The following GRM1 variants were observed in gnomAD, a reference collection of about 807,000 sequenced individuals.
GRM1 encodes the protein glutamate metabotropic receptor 1, also known as metabotropic glutamate receptor 1.
Under a neutral mutation model 90.9 loss-of-function variants are expected in GRM1, and 33 were observed. That is an observed-to-expected ratio of 0.36 (90% CI 0.28 to 0.49). The LOEUF (loss-of-function observed/expected upper bound fraction) is 0.49, where lower values mean the gene tolerates loss of function less well. Ranked by LOEUF, GRM1 falls within the 20% of genes least tolerant of loss-of-function variation. The pLI is 0.99. For synonymous variants in GRM1, 700 were observed against 613.2 expected, an observed-to-expected ratio of 1.14 and a Z score of -2.09; for missense variants, 1,190 against 1,534.3, an observed-to-expected ratio of 0.78 and a Z score of 3.75.
In GRM1 at chr6:146,403,334, C is replaced by T. The variant is rs558489603; in HGVS notation, c.2660+3635C>T. On this transcript the variant is annotated intron_variant, in intron 7 of 7. Coordinates refer to ENST00000282753, the MANE Select transcript of GRM1 (RefSeq NM_001278064.2). ...CACTGAGTGCCAAACAATTTGATGGCACATGGAGCTAAAATGTGACAATAC... is the reference window on the plus strand; with the variant it reads ...CACTGAGTGCCAAACAATTTGATGGTACATGGAGCTAAAATGTGACAATAC... 2.6e-3 allele frequency among the ~76,000 whole-genome samples: 397 copies of T among 152,122 alleles called. 3 individuals are homozygous for T. The highest frequency in any genetic ancestry group is 9.2e-3 in the African/African-American group (383 of 41,516).
At chr6:146,246,182 A>G (rs1781054019) in intron 2 of GRM1, among the ~76,000 whole-genome samples, 1 of 152,228 alleles carries the variant, frequency 6.6e-6, no homozygotes, top group Non-Finnish European at 1.5e-5. Flanking sequence ...GTTATACTCC[A>G]GAGAGCAGGC....
chr6:146,318,362 A>T (rs751093191), intron 3 of GRM1, among the ~76,000 whole-genome samples: 3 of 152,144 alleles, frequency 2.0e-5, no homozygotes, highest in African/African-American at 7.2e-5. Flanking sequence ...CATAGTATTC[A>T]ATTATGTATA....
At chr6:146,329,925 G>A (rs566909958) in intron 3 of GRM1, among the ~76,000 whole-genome samples, 2 of 152,326 alleles carry the variant, frequency 1.3e-5, no homozygotes, top group African/African-American at 2.4e-5. Context: ...TCTTCTGAAT[G>A]TGTATATCTT....
intron 6 of GRM1, among the ~76,000 whole-genome samples, chr6:146,388,690 G>C (rs143860366): frequency 6.6e-6 from 1 of 152,058 alleles, no homozygotes; most frequent in African/African-American, 2.4e-5. Flanking sequence ...AATTACCCAG[G>C]AATTACCCAC....
chr6:146,418,085 C>T (rs2114648865), intron 7 of GRM1, among the ~76,000 whole-genome samples: 1 of 152,178 alleles, frequency 6.6e-6, no homozygotes, highest in South Asian at 2.1e-4. Context: ...TAACTGTACT[C>T]TACTGTGGAG....
intron 2 of GRM1, among the ~76,000 whole-genome samples, chr6:146,253,465 T>C (rs1329226961): frequency 1.3e-5 from 2 of 152,204 alleles, no homozygotes; most frequent in African/African-American, 4.8e-5. Flanking sequence ...AATTACTCAG[T>C]TTATTTCTTA....
intron 2 of GRM1, among the ~76,000 whole-genome samples, chr6:146,187,338 T>A (rs1778768837): frequency 6.6e-6 from 1 of 152,146 alleles, no homozygotes; most frequent in East Asian, 1.9e-4. Flanking sequence ...GAAGACTGCA[T>A]CAAGAATATT....
At chr6:146,119,311 G>A (rs1284754778) in intron 1 of GRM1, among the ~76,000 whole-genome samples, 1 of 152,040 alleles carries the variant, frequency 6.6e-6, no homozygotes, top group African/African-American at 2.4e-5. Flanking sequence ...TTGTAAATTT[G>A]TTTGAGTTCT....
intron 1 of GRM1, among the ~76,000 whole-genome samples, chr6:146,127,803 G>A (rs1192438551): frequency 6.6e-6 from 1 of 152,160 alleles, no homozygotes; most frequent in African/African-American, 2.4e-5. Context: ...CTATTGATAT[G>A]TAACAAATCA....
chr6:146,292,422 A>G (rs1783018565), intron 2 of GRM1, among the ~76,000 whole-genome samples: 1 of 151,954 alleles, frequency 6.6e-6, no homozygotes, highest in African/African-American at 2.4e-5. Flanking sequence ...GAATATATAC[A>G]TCTTACAACT....
intron 3 of GRM1, among the ~76,000 whole-genome samples, chr6:146,307,001 T>A (rs1047078643): frequency 6.6e-6 from 1 of 152,218 alleles, no homozygotes; most frequent in African/African-American, 2.4e-5. Flanking sequence ...TTAGTAAAAT[T>A]CAGGATACTA....
chr6:146,373,733 A>G (rs1775989762), intron 5 of GRM1, among the ~76,000 whole-genome samples: 1 of 152,174 alleles, frequency 6.6e-6, no homozygotes, highest in Non-Finnish European at 1.5e-5. Context: ...ACATTATTGA[A>G]TTGGTATATA....
chr6:146,260,617 A>G (rs1448313435), intron 2 of GRM1, among the ~76,000 whole-genome samples: 1 of 152,026 alleles, frequency 6.6e-6, no homozygotes, highest in Non-Finnish European at 1.5e-5. Context: ...ACTCCTACCA[A>G]CAGTGTAAAA....
chr6:146,240,579 T>C (rs938833554), intron 2 of GRM1, among the ~76,000 whole-genome samples: 2 of 152,104 alleles, frequency 1.3e-5, no homozygotes, highest in Non-Finnish European at 2.9e-5. Flanking sequence ...GATTTTCTAC[T>C]GGCAGTCACA....
intron 1 of GRM1, among the ~76,000 whole-genome samples, chr6:146,158,763 A>G (rs1777607711): frequency 6.6e-6 from 1 of 152,230 alleles, no homozygotes; most frequent in African/African-American, 2.4e-5. Flanking sequence ...TCAAAATATA[A>G]GACACAAACC....
At chr6:146,166,315 C>G (rs1229477387) in intron 2 of GRM1, among the ~76,000 whole-genome samples, 1 of 152,012 alleles carries the variant, frequency 6.6e-6, no homozygotes, top group African/African-American at 2.4e-5. Context: ...GAATCACTAC[C>G]TTATGATGCC....
chr6:146,363,176 C>T (rs1038276818), intron 5 of GRM1, among the ~76,000 whole-genome samples: 8 of 152,108 alleles, frequency 5.3e-5, no homozygotes, highest in South Asian at 4.2e-4. Flanking sequence ...ATTTTCAGAT[C>T]GACACCTTTC....
chr6:146,178,590 A>T (rs981441998), intron 2 of GRM1, among the ~76,000 whole-genome samples: 2 of 152,218 alleles, frequency 1.3e-5, no homozygotes, highest in Non-Finnish European at 2.9e-5. Context: ...ACTATCAGAA[A>T]GCAAAGGTGT....
At chr6:146,064,413 T>C (rs1046624753) in intron 1 of GRM1, among the ~76,000 whole-genome samples, 1 of 152,190 alleles carries the variant, frequency 6.6e-6, no homozygotes, top group Non-Finnish European at 1.5e-5. Context: ...CATTAACCAA[T>C]ATGAAATTTA....
Sources: gnomAD v4.1 joint callset for allele counts (sites outside exome capture counted in the v4.1 genomes callset) on GRCh38, gnomAD v4.1.1 for gene constraint, MANE v1.5 for transcripts, NCBI Gene and HGNC (gene_info 2026-07-23, HGNC 2026-07-21) for gene names.